The following PALM variants were observed in gnomAD, a reference collection of about 807,000 sequenced individuals.
The protein encoded by PALM is paralemmin-1.
PALM carries 18 observed loss-of-function variants against 30.7 expected under a neutral mutation model. The ratio of observed to expected loss-of-function variants is 0.59; its 90% CI spans 0.41 to 0.87. PALM has a LOEUF of 0.87. PALM is among the 40% of genes least tolerant of loss of function. The pLI is 0.00. For missense variants in PALM, 529 were observed against 555.4 expected (o/e 0.95, Z 0.48); for synonymous variants, 286 against 242.8 (o/e 1.18, Z -1.66).
rs1187577105 is a variant in PALM at position 742,235 on chromosome 19, A to T, written c.634+1752A>T. Among the ~76,000 whole-genome samples, 1 of 151,720 alleles carries T rather than the reference A, an allele frequency of 6.6e-6. No homozygotes were observed. Among genetic ancestry groups the T allele is most frequent in the Non-Finnish European group, 1.5e-5 (1 of 67,926 alleles). Reference sequence around the variant, plus strand: ...CCCTCCCCAGTCAGCGTCACTCCCTATCCCCTCCCCAGCTCTGGCACCCAC... The same window carrying T: ...CCCTCCCCAGTCAGCGTCACTCCCTTTCCCCTCCCCAGCTCTGGCACCCAC... On this transcript the variant is annotated intron_variant, in intron 8 of 8. Transcript: ENST00000338448. The surrounding 1 kb of genome is among the most constrained non-coding windows in gnomAD (Gnocchi z 5.5).
intron 7 of PALM, among the ~76,000 whole-genome samples, chr19:737,578 G>A (rs2033060103): frequency 1.3e-5 from 2 of 152,122 alleles, no homozygotes; most frequent in Admixed American, 6.5e-5. Flanking sequence ...AGCGTTCAAC[G>A]TAAGAGGTGA....
intron 2 of PALM, among the ~76,000 whole-genome samples, chr19:726,740 T>G (rs897254700): frequency 6.6e-5 from 10 of 152,240 alleles, no homozygotes; most frequent in Admixed American, 3.9e-4. Flanking sequence ...TGAACTCAAG[T>G]GATCCTCCCG....
intron 1 of PALM, among the ~76,000 whole-genome samples, chr19:716,424 AAAG>A (rs1199623742): frequency 1.3e-5 from 2 of 151,758 alleles, no homozygotes; most frequent in Non-Finnish European, 2.9e-5. Context: ...AAAAAAAAAA[AAAG>A]AAAGTTTAGA....
At position 742,189 on chromosome 19, in the gene PALM, C is replaced by T. The variant is rs1004869951; in HGVS notation, c.634+1706C>T. 1.3e-5 allele frequency among the ~76,000 whole-genome samples: 2 copies of T among 152,116 alleles called. No individual in the cohort carries two copies. The highest frequency in any genetic ancestry group is 4.8e-5 in the African/African-American group (2 of 41,430). On this transcript the variant is annotated intron_variant, in intron 8 of 8. Transcript: ENST00000338448. The surrounding 1 kb of genome is among the most constrained non-coding windows in gnomAD (Gnocchi z 5.5). ...AGAAAGAGGAGAGAAGCCCCATCCC[C>T]ATCAGCTGTCACTTCCTGTCCCCTC...
At chr19:724,643 G>A (rs1233951049) in intron 1 of PALM, among the ~76,000 whole-genome samples, 1 of 151,658 alleles carries the variant, frequency 6.6e-6, no homozygotes, top group African/African-American at 2.4e-5. Context: ...TTGAGACAGA[G>A]CCTCATGCTG....
Position 746,778 on chromosome 19 carries a change from G to A in PALM, c.1128G>A (p.Met376Ile), listed in dbSNP as rs773682933. Residue 376 changes from methionine (M) to isoleucine (I), a missense_variant, in exon 9 of 9, where the codon ATG (methionine) becomes ATA (isoleucine). Coordinates refer to ENST00000338448, the MANE Select transcript of PALM (RefSeq NM_002579.3). This position sits in a 1 kb window ranked among gnomAD's most constrained non-coding sequence, Gnocchi z 7.1. ...ATTSDPQDLD[M>I]KKHRCKCCSI... Reference sequence around the variant, plus strand: ...CCAGCGACCCCCAGGACCTCGACATGAAGAAGCACCGTTGTAAATGCTGCT... The same window carrying A: ...CCAGCGACCCCCAGGACCTCGACATAAAGAAGCACCGTTGTAAATGCTGCT... 1.0e-5 allele frequency: 16 copies of A among 1,581,030 alleles called. No individual in the cohort carries two copies. The Admixed American group carries it at 2.8e-4, about 28-fold the overall frequency.
intron 5 of PALM, among the ~76,000 whole-genome samples, chr19:732,801 A>G (rs1333432463): frequency 1.3e-5 from 2 of 151,932 alleles, no homozygotes; most frequent in African/African-American, 4.8e-5. Context: ...CAGGCCGAAG[A>G]GGTGGGAAGC....
At chr19:723,273 G>C (rs895469245) in intron 1 of PALM, among the ~76,000 whole-genome samples, 1 of 152,140 alleles carries the variant, frequency 6.6e-6, no homozygotes, top group Non-Finnish European at 1.5e-5. Context: ...TCTGGGCCCT[G>C]ACACCAGGCT....
At chr19:727,518 G>C in intron 3 of PALM, 46 bp from the exon 4 acceptor site, 1 of 1,484,588 alleles carries the variant, frequency 6.7e-7, no homozygotes. Context: ...TCTTAACCCT[G>C]GCCCTGGTCC....
chr19:735,099 G>A, intron 6 of PALM: 8 of 947,538 alleles, frequency 8.4e-6, no homozygotes, highest in African/African-American at 1.8e-5. Flanking sequence ...AGGGGTTGCG[G>A]TGGGGGTCCA....
At chr19:712,561 T>C (rs2032114690) in intron 1 of PALM, among the ~76,000 whole-genome samples, 1 of 150,682 alleles carries the variant, frequency 6.6e-6, no homozygotes, top group Admixed American at 6.7e-5. Context: ...TTTTTTGTGT[T>C]TTTGGTAGAG....
chr19:744,893 AAAAGC>A (rs1203669613), intron 8 of PALM, among the ~76,000 whole-genome samples: 1 of 118,280 alleles, frequency 8.5e-6, no homozygotes, highest in Non-Finnish European at 2.0e-5. Context: ...GTCAAAAAAA[AAAAGC>A]AGCAGGCACG....
rs2032364689 is a variant in PALM, at chr19:719,041, C to A, written c.6-7097C>A. On this transcript the variant is annotated intron_variant, in intron 1 of 8. Coordinates refer to ENST00000338448, the MANE Select transcript of PALM (RefSeq NM_002579.3). ...CAGCCCCGCGTGACTCCCCCACCCC[C>A]CACAATGGCCAAGGTCACCGTCAGC... 5 of 886,746 alleles carry A rather than the reference C, an allele frequency of 5.6e-6. No homozygotes were observed. In the South Asian group the frequency reaches 2.6e-4, roughly 46 times the overall value. 54.9% of individuals were successfully genotyped at this position (886,746 alleles called of 1,614,324 possible).
intron 8 of PALM, among the ~76,000 whole-genome samples, chr19:743,040 C>T (rs144348516): frequency 5.9e-5 from 9 of 152,276 alleles, no homozygotes; most frequent in African/African-American, 2.2e-4. Flanking sequence ...TCTCCACGTC[C>T]TCACCAGCGC....
chr19:745,231 T>C (rs1051181540), intron 8 of PALM, among the ~76,000 whole-genome samples: 13 of 152,196 alleles, frequency 8.5e-5, no homozygotes, highest in African/African-American at 3.1e-4. Flanking sequence ...TGGGTGGTCC[T>C]GTCTTGTAGA....
intron 1 of PALM, among the ~76,000 whole-genome samples, chr19:713,802 G>C (rs1375838337): frequency 6.6e-6 from 1 of 152,008 alleles, no homozygotes; most frequent in Non-Finnish European, 1.5e-5. Context: ...GGCTGGTCTC[G>C]AACTCCTGGC....
intron 1 of PALM, chr19:719,605 CG>C: frequency 1.0e-6 from 1 of 986,380 alleles, no homozygotes. Flanking sequence ...GGACCGCCGC[CG>C]CCCTGAGCTT....
Position 747,248 on chromosome 19 carries a change from G to A in PALM, c.*434G>A, listed in dbSNP as rs2033377251. On this transcript the variant is annotated 3_prime_UTR_variant, in exon 9 of 9. Coordinates refer to ENST00000338448, the MANE Select transcript of PALM (RefSeq NM_002579.3). ...CGCCAGAGAGGGCCCCGGGAGCCGG[G>A]GGTGGGTACTGAGGCCTGCTCAGGC... The A allele has an allele frequency of 5.6e-6, 1 of 179,154 alleles. No homozygotes were observed. Among genetic ancestry groups the A allele is most frequent in the Non-Finnish European group, 1.2e-5 (1 of 85,844 alleles). The allele number at this position is 179,154 out of a possible 1,614,324, so 11.1% of individuals were successfully genotyped here.
At chr19:727,137 G>A (rs956422042) in intron 3 of PALM, 49 bp downstream of exon 3, 1 of 1,285,214 alleles carries the variant, frequency 7.8e-7, no homozygotes, top group South Asian at 1.3e-5. Context: ...GCGGCTGTGA[G>A]GCGGAGGCCC....
Sources: allele counts gnomAD v4.1 joint callset (sites outside exome capture counted in the v4.1 genomes callset), GRCh38; gene constraint gnomAD v4.1.1; non-coding constraint Gnocchi (gnomAD v3.1); transcripts MANE v1.5; gene names NCBI Gene and HGNC (gene_info 2026-07-23, HGNC 2026-07-21).